PLSCR4: variants seen among roughly 807,000 people sequenced by gnomAD.
PLSCR4 encodes the protein phospholipid scramblase 4.
PLSCR4 carries 25 observed loss-of-function variants against 36.3 expected under a neutral mutation model. That is an observed-to-expected ratio of 0.69 (90% confidence interval 0.50 to 0.96). The LOEUF is 0.96. Ranked by LOEUF, PLSCR4 falls within the 40% of genes least tolerant of loss-of-function variation. The probability of loss-of-function intolerance (pLI) is 0.00; values close to 1 mark genes in which losing one functional copy is unlikely to be tolerated. For synonymous variants in PLSCR4, 122 were observed against 132.9 expected (o/e 0.92, Z 0.56); for missense variants, 408 against 414.7 (o/e 0.98, Z 0.14).
chr3:146,211,649 A>C (rs1217860076), intron 3 of PLSCR4, among the ~76,000 whole-genome samples: 4 of 152,132 alleles, frequency 2.6e-5, no homozygotes, highest in Non-Finnish European at 5.9e-5. Context: ...ACTTACATCT[A>C]TATCTTGTAA....
At chr3:146,234,369 A>T (rs1408881590) in intron 1 of PLSCR4, among the ~76,000 whole-genome samples, 1 of 152,178 alleles carries the variant, frequency 6.6e-6, no homozygotes, top group Admixed American at 6.5e-5. Flanking sequence ...CACAGTTTTT[A>T]AAAAATTTTT....
At position 146,222,792 on chromosome 3, in the gene PLSCR4, A is replaced by G. The variant is rs866207508; in HGVS notation, c.-21-700T>C. Reference sequence around the variant, plus strand: ...TGATCAGATCTGACCGACATCATACAATGAGAGCAAGAGTAGAAGCAGGGA... The same window carrying G: ...TGATCAGATCTGACCGACATCATACGATGAGAGCAAGAGTAGAAGCAGGGA... On this transcript the variant is annotated intron_variant, in intron 1 of 8. Coordinates refer to ENST00000354952, the MANE Select transcript of PLSCR4 (RefSeq NM_020353.3). Among the ~76,000 whole-genome samples, 28 of 152,276 alleles carry G rather than the reference A, an allele frequency of 1.8e-4. No individual in the cohort carries two copies. The Middle Eastern group carries it at 0.01, about 55-fold the overall frequency.
intron 1 of PLSCR4, among the ~76,000 whole-genome samples, chr3:146,240,018 A>T (rs980386122): frequency 6.6e-6 from 1 of 152,216 alleles, no homozygotes; most frequent in African/African-American, 2.4e-5. Flanking sequence ...AAAAGCAACA[A>T]AAATAAATAA....
intron 1 of PLSCR4, among the ~76,000 whole-genome samples, chr3:146,229,884 A>C (rs1423332948): frequency 6.6e-6 from 1 of 152,124 alleles, no homozygotes; most frequent in Non-Finnish European, 1.5e-5. Flanking sequence ...TCAGCCTCCC[A>C]AAGTGCTGGG....
intron 7 of PLSCR4, among the ~76,000 whole-genome samples, chr3:146,195,488 C>T (rs1303253320): frequency 6.6e-6 from 1 of 152,164 alleles, no homozygotes; most frequent in East Asian, 1.9e-4. Flanking sequence ...AAGTCTCAGA[C>T]TGCTGCTCTT....
chr3:146,216,774 T>A (rs1053366735), intron 3 of PLSCR4, among the ~76,000 whole-genome samples: 1 of 152,174 alleles, frequency 6.6e-6, no homozygotes, highest in Non-Finnish European at 1.5e-5. Context: ...TTTGGGCCTA[T>A]ACACTGGATT....
Position 146,196,651 on chromosome 3 carries a change from C to A in PLSCR4, c.767G>T (p.Gly256Val). The A allele has an allele frequency of 1.2e-6, 2 of 1,613,884 alleles. No homozygotes were observed. Among genetic ancestry groups the A allele is most frequent in the Non-Finnish European group, 1.7e-6 (2 of 1,179,846 alleles). The change falls in exon 7 of 9, where the codon GGT becomes GTT. Residue 256 changes from glycine (G) to valine (V), a missense_variant. Transcript: ENST00000354952. ...VRGPCSTYGC[G>V]SDSVFEVKSL... is the part of the protein sequence containing the mutation. ...TTTCACCTCAAAAACAGAATCTGAA[C>A]CACAGCCATAGGTTGAGCATGGCCC...
intron 3 of PLSCR4, among the ~76,000 whole-genome samples, chr3:146,219,504 AT>A (rs1219081650): frequency 2.0e-5 from 3 of 152,326 alleles, no homozygotes; most frequent in Non-Finnish European, 4.4e-5. Flanking sequence ...GTTATAATGC[AT>A]TTTATCCTCA....
chr3:146,214,836 G>C (rs1233660324), intron 3 of PLSCR4, among the ~76,000 whole-genome samples: 1 of 152,028 alleles, frequency 6.6e-6, no homozygotes, highest in African/African-American at 2.4e-5. Context: ...TTGATCTTCT[G>C]CTTAGTTGTT....
intron 1 of PLSCR4, among the ~76,000 whole-genome samples, chr3:146,224,328 C>T (rs954587560): frequency 6.6e-6 from 1 of 152,122 alleles, no homozygotes; most frequent in African/African-American, 2.4e-5. Flanking sequence ...AGATGTATCT[C>T]AAAATTATAG....
intron 1 of PLSCR4, among the ~76,000 whole-genome samples, chr3:146,237,237 A>G (rs1179773398): frequency 6.6e-6 from 1 of 152,188 alleles, no homozygotes; most frequent in Non-Finnish European, 1.5e-5. Context: ...TAAGAAGAAT[A>G]TTTCATAAAG....
At chr3:146,231,756 C>T (rs1028023438) in intron 1 of PLSCR4, among the ~76,000 whole-genome samples, 10 of 152,016 alleles carry the variant, frequency 6.6e-5, no homozygotes, top group African/African-American at 2.2e-4. Context: ...TCTGAATATT[C>T]GACCTTTGTC....
intron 4 of PLSCR4, among the ~76,000 whole-genome samples, chr3:146,203,608 C>T (rs889722998): frequency 6.6e-6 from 1 of 152,002 alleles, no homozygotes; most frequent in African/African-American, 2.4e-5. Context: ...CCTTGCACTT[C>T]TATGTTACAA....
intron 1 of PLSCR4, among the ~76,000 whole-genome samples, chr3:146,240,537 C>T (rs1235613563): frequency 3.3e-5 from 5 of 152,236 alleles, no homozygotes; most frequent in Admixed American, 3.3e-4. Flanking sequence ...ACCAGGAGTT[C>T]GAGGCTGCAC....
Position 146,231,475 on chromosome 3 carries a change from C to T in PLSCR4, c.-21-9383G>A, listed in dbSNP as rs1313772940. 3.3e-5 allele frequency among the ~76,000 whole-genome samples: 5 copies of T among 152,162 alleles called. No individual in the cohort carries two copies. The East Asian group carries it at 9.6e-4, about 29-fold the overall frequency. On this transcript the variant is annotated intron_variant, in intron 1 of 8. Transcript: ENST00000354952. ...TGGATGAACTAATTGACATTCCCAC[C>T]AGCAGTATATAAGCATTCCTTTTTC... is the stretch of plus-strand genomic sequence containing the variant.
At chr3:146,199,777 A>G in intron 6 of PLSCR4, 36 bp downstream of exon 6, 1 of 1,514,452 alleles carries the variant, frequency 6.6e-7, no homozygotes, top group Non-Finnish European at 9.2e-7. Flanking sequence ...GAGTTAGATC[A>G]GAAGCAAGCT....
intron 6 of PLSCR4, among the ~76,000 whole-genome samples, chr3:146,197,768 T>C (rs1484552413): frequency 6.6e-6 from 1 of 152,124 alleles, no homozygotes; most frequent in Non-Finnish European, 1.5e-5. Flanking sequence ...TTACATGTAC[T>C]TTCATAAGAA....
chr3:146,210,575 T>C (rs1399405957), intron 3 of PLSCR4, among the ~76,000 whole-genome samples: 3 of 152,088 alleles, frequency 2.0e-5, no homozygotes, highest in Non-Finnish European at 4.4e-5. Context: ...ACAGGATCTC[T>C]ATGGCAAAAC....
chr3:146,236,950 T>C (rs1188223036), intron 1 of PLSCR4, among the ~76,000 whole-genome samples: 1 of 152,010 alleles, frequency 6.6e-6, no homozygotes, highest in Non-Finnish European at 1.5e-5. Context: ...GTAAAACATC[T>C]GATATAGTTC....
Sources: allele counts gnomAD v4.1 joint callset (sites outside exome capture counted in the v4.1 genomes callset), GRCh38; gene constraint gnomAD v4.1.1; transcripts MANE v1.5; gene names NCBI Gene and HGNC (gene_info 2026-07-23, HGNC 2026-07-21).